The following DIP2C variants were observed in gnomAD, a reference collection of about 807,000 sequenced individuals.
DIP2C encodes disco-interacting protein 2 homolog C.
DIP2C carries 33 observed loss-of-function variants against 192.4 expected under a neutral mutation model. The ratio of observed to expected loss-of-function variants is 0.17; its 90% CI spans 0.13 to 0.23. DIP2C has a LOEUF of 0.23. Ranked by LOEUF, DIP2C falls within the 10% of genes least tolerant of loss-of-function variation. The pLI, the probability that DIP2C is intolerant of heterozygous loss-of-function variation, is 1.00. For missense variants in DIP2C, 1,537 were observed against 2,110.1 expected (o/e 0.73, Z 5.32); for synonymous variants, 979 against 864.1 (o/e 1.13, Z -2.33).
intron 1 of DIP2C, among the ~76,000 whole-genome samples, chr10:509,553 G>A (rs766118425): frequency 1.8e-4 from 27 of 152,198 alleles, no homozygotes; most frequent in Non-Finnish European, 2.8e-4. Context: ...CATTCTTGCC[G>A]AATATCTCAG....
chr10:524,719 CTG>C (rs1440738421), intron 1 of DIP2C, among the ~76,000 whole-genome samples: 3 of 152,154 alleles, frequency 2.0e-5, no homozygotes, highest in Non-Finnish European at 4.4e-5. Context: ...ATCACTTTCA[CTG>C]AGAGATTCTA....
rs142078818 is a variant in DIP2C, at chr10:349,395, G to A, written c.3045C>T (p.Ala1015=). ...GGTGGCCCCTCTCCATCAGCATCACGGCGATCTTCTCAGCTCTCTTGTGCA... is the reference window on the plus strand; with the variant it reads ...GGTGGCCCCTCTCCATCAGCATCACAGCGATCTTCTCAGCTCTCTTGTGCA... ...VQLHKRAEKI[A]VMLMERGHLQ... is the part of the protein sequence containing the mutation. The change falls in exon 25 of 37, where the codon GCC becomes GCT. Residue 1015 remains alanine (A), a synonymous_variant. Transcript: ENST00000280886. The A allele has an allele frequency of 2.6e-5, 42 of 1,611,380 alleles. No individual in the cohort carries two copies. Among genetic ancestry groups the A allele is most frequent in the African/African-American group, 5.3e-5 (4 of 74,930 alleles).
At chr10:621,592 C>T (rs1163416675) in intron 1 of DIP2C, among the ~76,000 whole-genome samples, 1 of 152,142 alleles carries the variant, frequency 6.6e-6, no homozygotes, top group South Asian at 2.1e-4. Flanking sequence ...AGGAAGGATG[C>T]GATGGGCACT....
chr10:325,559 G>C (rs1957237570), intron 31 of DIP2C, among the ~76,000 whole-genome samples: 2 of 152,184 alleles, frequency 1.3e-5, no homozygotes, highest in Admixed American at 1.3e-4. Context: ...CTGGTGGATG[G>C]AGACAAGTGA....
chr10:501,399 T>G (rs1020078703), intron 1 of DIP2C, among the ~76,000 whole-genome samples: 2 of 152,164 alleles, frequency 1.3e-5, no homozygotes, highest in African/African-American at 4.8e-5. Context: ...GTAGAACTTG[T>G]TAAGATCTCT....
At chr10:598,075 A>C (rs17159728) in intron 1 of DIP2C, among the ~76,000 whole-genome samples, 14,719 of 152,332 alleles carry the variant, frequency 0.097, 1,193 homozygotes, top group African/African-American at 0.22. Context: ...CAGAGTCAGC[A>C]CAAGTCTGCA....
chr10:414,739 G>GTGTGTGTGTATATA, intron 7 of DIP2C, among the ~76,000 whole-genome samples: 1,776 of 90,454 alleles, frequency 0.02, 84 homozygotes, highest in Non-Finnish European at 0.03. Flanking sequence ...GTGTGTGTGT[G>GTGTGTGTGTATATA]TACATATATA....
intron 1 of DIP2C, among the ~76,000 whole-genome samples, chr10:579,099 CATGTA>C (rs2131573763): frequency 6.6e-6 from 1 of 152,210 alleles, no homozygotes; most frequent in East Asian, 1.9e-4. Context: ...CATGCAGATC[CATGTA>C]GTGTAGGTAC....
chr10:291,059 C>T (rs1178260275), intron 32 of DIP2C, among the ~76,000 whole-genome samples: 1 of 152,248 alleles, frequency 6.6e-6, no homozygotes, highest in Non-Finnish European at 1.5e-5. Flanking sequence ...TCTTCCTTAT[C>T]TCCATCCCTG....
intron 32 of DIP2C, among the ~76,000 whole-genome samples, chr10:289,753 C>T (rs561542760): frequency 1.3e-5 from 2 of 152,274 alleles, no homozygotes; most frequent in African/African-American, 4.8e-5. Context: ...CTGCGTGGCA[C>T]GAGGGAGGCC....
At chr10:387,933 T>C (rs1963115126) in intron 13 of DIP2C, 124 bp from the exon 14 acceptor site, 3 of 1,137,120 alleles carry the variant, frequency 2.6e-6, no homozygotes, top group Non-Finnish European at 3.9e-6. Flanking sequence ...CATTTTGCCG[T>C]ATCTTGGTGG....
At chr10:601,975 A>G (rs1267631053) in intron 1 of DIP2C, among the ~76,000 whole-genome samples, 1 of 151,208 alleles carries the variant, frequency 6.6e-6, no homozygotes, top group East Asian at 2.0e-4. Flanking sequence ...TATGAGGCAG[A>G]GAATGGGTGT....
rs1857069013 is a variant in DIP2C, at chr10:666,068, C to G, written c.85+23426G>C. On this transcript the variant is annotated intron_variant, in intron 1 of 36. Transcript: ENST00000280886. This position sits in a 1 kb window ranked among gnomAD's most constrained non-coding sequence, Gnocchi z 4.1. ...AGGCCCAGGTCCCGCAGCTCTCCCT[C>G]CACGCGTGGCTACGGTGGAGGAACG... is the stretch of plus-strand genomic sequence containing the variant. 1 of 152,216 alleles carries G rather than the reference C, an allele frequency of 6.6e-6. No individual in the cohort carries two copies. The highest frequency in any genetic ancestry group is 1.5e-5 in the Non-Finnish European group (1 of 68,040). 9.4% of individuals were successfully genotyped at this position (152,216 alleles called of 1,614,324 possible).
intron 1 of DIP2C, among the ~76,000 whole-genome samples, chr10:614,273 T>C (rs74115078): frequency 0.16 from 24,330 of 152,224 alleles, 3,526 homozygotes; most frequent in African/African-American, 0.38. Context: ...CTCCAGTGTA[T>C]GGTGTGGATG....
At chr10:597,463 T>A (rs960690337) in intron 1 of DIP2C, among the ~76,000 whole-genome samples, 3 of 152,154 alleles carry the variant, frequency 2.0e-5, no homozygotes, top group African/African-American at 4.8e-5. Context: ...CCTACAATTC[T>A]AGGTGGAAAG....
intron 1 of DIP2C, among the ~76,000 whole-genome samples, chr10:489,058 G>T (rs1844233450): frequency 6.6e-6 from 1 of 152,210 alleles, no homozygotes; most frequent in Non-Finnish European, 1.5e-5. Context: ...ATCCCAAAAT[G>T]CAGAAGACGA....
chr10:553,543 A>G (rs572702584), intron 1 of DIP2C, among the ~76,000 whole-genome samples: 1 of 152,322 alleles, frequency 6.6e-6, no homozygotes, highest in East Asian at 1.9e-4. Context: ...AAGTTAAGTC[A>G]CCACTTCTAT....
chr10:597,544 C>A (rs1851786645), intron 1 of DIP2C, among the ~76,000 whole-genome samples: 1 of 152,196 alleles, frequency 6.6e-6, no homozygotes. Context: ...GGCAGCAGGG[C>A]TGGGCAGGAG....
intron 1 of DIP2C, among the ~76,000 whole-genome samples, chr10:497,306 G>A (rs1184603283): frequency 6.6e-6 from 1 of 152,090 alleles, no homozygotes; most frequent in Non-Finnish European, 1.5e-5. Flanking sequence ...CTGCATCCAG[G>A]GCTATAGAAC....
Sources: allele counts gnomAD v4.1 joint callset (sites outside exome capture counted in the v4.1 genomes callset), GRCh38; gene constraint gnomAD v4.1.1; non-coding constraint Gnocchi (gnomAD v3.1); transcripts MANE v1.5; gene names NCBI Gene and HGNC (gene_info 2026-07-23, HGNC 2026-07-21).